Variants in ILKAP observed in about 807,000 individuals in gnomAD.
ILKAP encodes the protein ILK associated serine/threonine phosphatase.
ILKAP carries 11 observed loss-of-function variants against 49.1 expected under a neutral mutation model. That is an observed-to-expected ratio of 0.22 (90% CI 0.14 to 0.37). The LOEUF is 0.37. Among genes scored for constraint, ILKAP ranks in the 10% least tolerant of loss-of-function variants. ILKAP has a pLI of 1.00. For synonymous variants in ILKAP, 186 were observed against 192.8 expected (o/e 0.96, Z 0.29); for missense variants, 363 against 510.8 (o/e 0.71, Z 2.79).
chr2:238,188,132 T>A lies in ILKAP; in HGVS notation c.424A>T (p.Ile142Phe). The change falls in exon 5 of 12, where the codon ATT (isoleucine) becomes TTT (phenylalanine). Residue 142 changes from isoleucine (I) to phenylalanine (F), a missense_variant and splice_region_variant. Ile to Phe is a conservative substitution (Grantham distance 21, BLOSUM62 0). Transcript: ENST00000254654. ...GGCTTCCTACCACATGAGACTCACA[T>A]GAGGGACGATGGGGGCCTACACTCC... ...TEECRPPSSL[I>F]TRVSYFAVFD... The A allele has an allele frequency of 6.2e-7, 1 of 1,613,994 alleles. No individual in the cohort carries two copies. Among genetic ancestry groups the A allele is most frequent in the Non-Finnish European group, 8.5e-7 (1 of 1,179,982 alleles).
intron 8 of ILKAP, 25 bp downstream of exon 8, chr2:238,183,628 A>G: frequency 2.0e-6 from 3 of 1,518,790 alleles, no homozygotes; most frequent in Non-Finnish European, 2.7e-6. Context: ...TTGTCATCTA[A>G]GTGGGTGGCT....
chr2:238,189,508 A>G (rs1033929383), intron 4 of ILKAP, among the ~76,000 whole-genome samples: 1 of 152,196 alleles, frequency 6.6e-6, no homozygotes, highest in Admixed American at 6.5e-5. Context: ...CAAAGCACTA[A>G]TTGACAAACT....
intron 10 of ILKAP, among the ~76,000 whole-genome samples, chr2:238,172,787 C>T (rs1218035817): frequency 6.6e-6 from 1 of 152,186 alleles, no homozygotes; most frequent in Non-Finnish European, 1.5e-5. Context: ...CTGGCCTCCC[C>T]TCATCAACTC....
rs148149268 is a variant in ILKAP at position 238,170,644 on chromosome 2, G to A, written c.1071C>T (p.Ser357=). ...CTGCTTCGTAGCGGGCGTCGGCTGC[G>A]GACTTCCCTTCCCGGGTCTGGATCT... ...DEKIQTREGK[S]AADARYEAAC... The change falls in exon 12 of 12, where the codon TCC becomes TCT. Residue 357 remains serine (S), a synonymous_variant. Coordinates refer to ENST00000254654, the MANE Select transcript of ILKAP (RefSeq NM_030768.3). The A allele has an allele frequency of 2.5e-4, 393 of 1,600,088 alleles. 1 individual carries two copies. The East Asian group carries it at 2.9e-3, about 12-fold the overall frequency.
intron 9 of ILKAP, among the ~76,000 whole-genome samples, chr2:238,178,341 C>T (rs1210872203): frequency 6.6e-6 from 1 of 152,188 alleles, no homozygotes; most frequent in Non-Finnish European, 1.5e-5. Context: ...ACCACCAGAA[C>T]TGGCTCCATG....
At position 238,173,605 on chromosome 2, in the gene ILKAP, G is replaced by A. The variant is rs139772397; in HGVS notation, c.885C>T (p.Asp295=). ...TGACACCGCAGCGCTTGTACTGCCC[G>A]TCCCCAATGGAGCGTGACACCTCTA... ...GVLEVSRSIG[D]GQYKRCGVTS... Residue 295 remains aspartate (D), a synonymous_variant, in exon 10 of 12, where the codon GAC becomes GAT. Coordinates refer to ENST00000254654, the MANE Select transcript of ILKAP (RefSeq NM_030768.3). 7.7e-5 allele frequency: 125 copies of A among 1,613,984 alleles called. No individual in the cohort carries two copies. Among genetic ancestry groups the A allele is most frequent in the East Asian group, 3.1e-4 (14 of 44,882 alleles).
At chr2:238,200,578 G>C (rs1694527015) in intron 1 of ILKAP, among the ~76,000 whole-genome samples, 1 of 152,170 alleles carries the variant, frequency 6.6e-6, no homozygotes, top group African/African-American at 2.4e-5. Flanking sequence ...CCAGCACTCT[G>C]GGAGGGCCAA....
chr2:238,196,038 T>C (rs1574807376), intron 1 of ILKAP, among the ~76,000 whole-genome samples: 1 of 45,674 alleles, frequency 2.2e-5, no homozygotes, highest in East Asian at 5.7e-4. Context: ...AGTGAGACTC[T>C]GTCACAAAAA....
intron 1 of ILKAP, 96 bp downstream of exon 1, chr2:238,203,403 C>T (rs907400446): frequency 1.4e-4 from 69 of 493,864 alleles, no homozygotes; most frequent in Non-Finnish European, 2.8e-5. Context: ...CCGCCGCCTC[C>T]CAGCGCGGGC....
chr2:238,199,927 A>G (rs773797924), intron 1 of ILKAP, among the ~76,000 whole-genome samples: 3 of 152,110 alleles, frequency 2.0e-5, no homozygotes, highest in East Asian at 1.9e-4. Flanking sequence ...CAATTTTTTT[A>G]AAGTATTTTT....
At chr2:238,171,160 CTTT>C (rs370968879) in intron 10 of ILKAP, 136 bp from the exon 11 acceptor site, 1,039 of 396,080 alleles carry the variant, frequency 2.6e-3, no homozygotes, top group Middle Eastern at 4.5e-3. Flanking sequence ...TTTCTTTTTT[CTTT>C]TTTTTTTTTT....
chr2:238,184,148 A>G, intron 6 of ILKAP, 35 bp from the exon 7 acceptor site: 1 of 1,143,548 alleles, frequency 8.7e-7, no homozygotes, highest in African/African-American at 1.5e-5. Context: ...ACAATCTCTC[A>G]AGGAGGGAAG....
chr2:238,171,000 C>A lies in ILKAP; in HGVS notation c.981G>T (p.Gly327=), dbSNP rs1693192400. ...CTTCTGGGGTAAAGACCTTGAAGAG[C>A]CCATCACAGGCCAACAAAATGAACC... is the stretch of plus-strand genomic sequence containing the variant. ...NDRFILLACD[G]LFKVFTPEEA... Residue 327 remains glycine (G), a synonymous_variant, in exon 11 of 12, where the codon GGG becomes GGT. Transcript: ENST00000254654. 6.2e-7 allele frequency: 1 copy of A among 1,613,594 alleles called. No individual in the cohort carries two copies. The highest frequency in any genetic ancestry group is 1.3e-5 in the African/African-American group (1 of 74,812).
At chr2:238,182,978 C>T (rs1007806643) in intron 8 of ILKAP, among the ~76,000 whole-genome samples, 2 of 152,168 alleles carry the variant, frequency 1.3e-5, no homozygotes, top group African/African-American at 4.8e-5. Context: ...TAAGTGTGGA[C>T]AGTCACTTGA....
chr2:238,189,309 C>CA (rs201503725), intron 4 of ILKAP, among the ~76,000 whole-genome samples: 18 of 148,898 alleles, frequency 1.2e-4, no homozygotes, highest in African/African-American at 3.2e-4. Flanking sequence ...GACTCTGTCT[C>CA]AAAAAAAAGA....
At chr2:238,202,027 C>T (rs1012502748) in intron 1 of ILKAP, among the ~76,000 whole-genome samples, 2 of 152,104 alleles carry the variant, frequency 1.3e-5, no homozygotes, top group Non-Finnish European at 2.9e-5. Flanking sequence ...GAGTTCAAGA[C>T]CACCCTACCC....
At chr2:238,171,973 C>A (rs964627086) in intron 10 of ILKAP, among the ~76,000 whole-genome samples, 2 of 152,100 alleles carry the variant, frequency 1.3e-5, no homozygotes, top group Non-Finnish European at 2.9e-5. Context: ...CACAGCTTTG[C>A]GGTATAAGCC....
At chr2:238,193,027 G>T (rs1339527880) in intron 3 of ILKAP, among the ~76,000 whole-genome samples, 2 of 151,184 alleles carry the variant, frequency 1.3e-5, no homozygotes, top group Admixed American at 6.6e-5. Context: ...AAAAAAAAAT[G>T]TGTTAACTTC....
intron 8 of ILKAP, among the ~76,000 whole-genome samples, chr2:238,183,110 G>C (rs1559292928): frequency 6.6e-6 from 1 of 152,082 alleles, no homozygotes; most frequent in Non-Finnish European, 1.5e-5. Context: ...CACCCTCTAG[G>C]CTTTACAGCA....
Sources: gnomAD v4.1 joint callset for allele counts (sites outside exome capture counted in the v4.1 genomes callset) on GRCh38, gnomAD v4.1.1 for gene constraint, MANE v1.5 for transcripts, NCBI Gene and HGNC (gene_info 2026-07-23, HGNC 2026-07-21) for gene names.